TRPM7: variants seen among roughly 807,000 people sequenced by gnomAD.
TRPM7 encodes LTRPC ion channel family member 7.
Under a neutral mutation model 229.7 loss-of-function variants are expected in TRPM7, and 134 were observed. The ratio of observed to expected loss-of-function variants is 0.58; its 90% CI spans 0.51 to 0.67. The LOEUF is 0.67. Among genes scored for constraint, TRPM7 ranks in the 30% least tolerant of loss-of-function variants. The pLI, the probability that TRPM7 is intolerant of heterozygous loss-of-function variation, is 0.00. For synonymous variants in TRPM7, 699 were observed against 715.2 expected (o/e 0.98, Z 0.36); for missense variants, 1,901 against 2,210.0 (o/e 0.86, Z 2.80).
intron 12 of TRPM7, among the ~76,000 whole-genome samples, chr15:50,620,497 C>T (rs1184587940): frequency 6.6e-6 from 1 of 152,002 alleles, no homozygotes; most frequent in Non-Finnish European, 1.5e-5. Flanking sequence ...GAGTGGGCCA[C>T]CTACCATTAT....
At chr15:50,628,305 G>A in intron 10 of TRPM7, 56 bp from the exon 11 acceptor site, 2 of 1,326,196 alleles carry the variant, frequency 1.5e-6, no homozygotes, top group East Asian at 2.3e-5. Context: ...CCATTAAAAG[G>A]TGAACACTTT....
chr15:50,596,215 T>C, intron 23 of TRPM7, 40 bp downstream of exon 23: 1 of 1,342,322 alleles, frequency 7.4e-7, no homozygotes, highest in Non-Finnish European at 9.9e-7. Context: ...GAATTGCATA[T>C]TAAATCATCT....
rs746941512 is a variant in TRPM7 at position 50,589,695 on chromosome 15, A to G, written c.4325-39T>C. Reference sequence around the variant, plus strand: ...AAAGATGTTGCAATGAGAAATTTTTATTTTTCTTCACCGAAATAATGGCAC... The same window carrying G: ...AAAGATGTTGCAATGAGAAATTTTTGTTTTTCTTCACCGAAATAATGGCAC... On this transcript the variant is annotated intron_variant, in intron 26 of 38. Coordinates refer to ENST00000646667, the MANE Select transcript of TRPM7 (RefSeq NM_017672.6). 7 of 1,405,742 alleles carry G rather than the reference A, an allele frequency of 5.0e-6. 1 individual carries two copies. The Middle Eastern group carries it at 9.0e-4, about 180-fold the overall frequency. The allele number at this position is 1,405,742 out of a possible 1,614,324, so 87.1% of individuals were successfully genotyped here.
intron 1 of TRPM7, among the ~76,000 whole-genome samples, chr15:50,669,988 G>A (rs2061955141): frequency 6.6e-6 from 1 of 152,168 alleles, no homozygotes; most frequent in Non-Finnish European, 1.5e-5. Flanking sequence ...GTATAGGAAT[G>A]CAGGATAAGC....
At chr15:50,622,011 CAA>C (rs147453772) in intron 12 of TRPM7, among the ~76,000 whole-genome samples, 27,507 of 151,124 alleles carry the variant, frequency 0.18, 3,204 homozygotes, top group East Asian at 0.46. Flanking sequence ...GCCTGGATGA[CAA>C]GAGCAAAACT....
intron 30 of TRPM7, 100 bp from the exon 31 acceptor site, chr15:50,578,764 T>G: frequency 1.3e-6 from 1 of 762,630 alleles, no homozygotes; most frequent in Non-Finnish European, 1.9e-6. Flanking sequence ...ATAAAAAATA[T>G]TATTAAGGAA....
chr15:50,634,629 G>T (rs1266553538), intron 7 of TRPM7, 73 bp from the exon 8 acceptor site: 6 of 1,089,044 alleles, frequency 5.5e-6, no homozygotes, highest in Non-Finnish European at 6.0e-6. Context: ...AAAAAATTAG[G>T]CAAAATTCAG....
In TRPM7 at chr15:50,592,432, A is replaced by T. The variant is rs775896551; in HGVS notation, c.3803T>A (p.Leu1268Gln). 1.2e-6 allele frequency: 2 copies of T among 1,614,070 alleles called. No homozygotes were observed. Among genetic ancestry groups the T allele is most frequent in the Non-Finnish European group, 1.7e-6 (2 of 1,180,046 alleles). The change falls in exon 26 of 39, where the codon CTG (leucine) becomes CAG (glutamine). Residue 1268 changes from leucine to glutamine, a missense_variant. Leu to Gln is a moderately radical substitution (Grantham distance 113). Coordinates refer to ENST00000646667, the MANE Select transcript of TRPM7 (RefSeq NM_017672.6). ...TTGAGCCAAGTGTTTGGAAATGCTC[A>T]GTTCTCGTGTGATTTCATTATGAAC... Reference protein sequence around the residue: ...SKVHNEITRELSISKHLAQNL... With the variant: ...SKVHNEITREQSISKHLAQNL...
In TRPM7 at chr15:50,561,057, C is replaced by CT. The variant is rs2053290589; in HGVS notation, c.*620dup. On this transcript the variant is annotated 3_prime_UTR_variant, in exon 39 of 39. Coordinates refer to ENST00000646667, the MANE Select transcript of TRPM7 (RefSeq NM_017672.6). ...ATTTAAAAAAAAAAACTGGCTCTAT[C>CT]TTTAAATATGGAGCCTAACCCTGAT... 6.6e-6 allele frequency: 1 copy of CT among 152,424 alleles called. No individual in the cohort carries two copies. The highest frequency in any genetic ancestry group is 2.4e-5 in the African/African-American group (1 of 41,416). The allele number at this position is 152,424 out of a possible 1,614,324, so 9.4% of individuals were successfully genotyped here. A position where few individuals can be genotyped will look rare whatever the true frequency, so the allele number is the denominator to read the frequency against.
At chr15:50,686,123 G>A (rs1329659109) in intron 1 of TRPM7, among the ~76,000 whole-genome samples, 1 of 152,138 alleles carries the variant, frequency 6.6e-6, no homozygotes, top group Non-Finnish European at 1.5e-5. Flanking sequence ...AGAGCATTTG[G>A]TTCCCTTATC....
At chr15:50,579,167 C>A (rs752635099) in intron 30 of TRPM7, among the ~76,000 whole-genome samples, 2 of 152,194 alleles carry the variant, frequency 1.3e-5, no homozygotes, top group Non-Finnish European at 2.9e-5. Flanking sequence ...ACAACATACA[C>A]TGGCACCAAA....
At chr15:50,667,644 T>C (rs907752236) in intron 1 of TRPM7, among the ~76,000 whole-genome samples, 3 of 151,986 alleles carry the variant, frequency 2.0e-5, no homozygotes, top group Non-Finnish European at 4.4e-5. Flanking sequence ...GAGGTGGAGG[T>C]AACAGTGAGC....
At position 50,583,092 on chromosome 15, in the gene TRPM7, T is replaced by G; in HGVS notation, c.4554A>C (p.Ile1518=). 6.2e-7 allele frequency: 1 copy of G among 1,600,060 alleles called. No individual in the cohort carries two copies. The highest frequency in any genetic ancestry group is 8.5e-7 in the Non-Finnish European group (1 of 1,173,644). The change falls in exon 29 of 39, where the codon ATA becomes ATC. Residue 1518 remains isoleucine, a synonymous_variant. Transcript: ENST00000646667. ...THEVDSKAAL[I]PDWLQDRPSN... ...TGTTTAGTTGAAATCTACAAACCGGTATTAAAGCTGCTTTGGAATCTACTT... is the reference window on the plus strand; with the variant it reads ...TGTTTAGTTGAAATCTACAAACCGGGATTAAAGCTGCTTTGGAATCTACTT...
At chr15:50,662,326 C>CA (rs34002511) in intron 2 of TRPM7, among the ~76,000 whole-genome samples, 26,737 of 124,472 alleles carry the variant, frequency 0.21, 2,889 homozygotes, top group African/African-American at 0.34. Context: ...GACTCTGTTC[C>CA]AAAAAAAAAA....
intron 12 of TRPM7, among the ~76,000 whole-genome samples, chr15:50,622,463 C>T (rs1383542082): frequency 1.3e-5 from 2 of 152,166 alleles, no homozygotes; most frequent in Non-Finnish European, 2.9e-5. Context: ...TATTATTTTA[C>T]ATTGCTTTAT....
In TRPM7 at chr15:50,679,509, A is replaced by G. The variant is rs1287879015; in HGVS notation, c.3+7022T>C. On this transcript the variant is annotated intron_variant, in intron 1 of 38. Transcript: ENST00000646667. ...ATATATTATATATATGTGTATATAT[A>G]TAATATATATATATATATATATATA... Among the ~76,000 whole-genome samples the G allele has an allele frequency of 9.9e-5, 5 of 50,462 alleles. No homozygotes were observed. The South Asian group carries it at 2.4e-3, about 25-fold the overall frequency. 33.1% of individuals were successfully genotyped at this position (50,462 alleles called of 152,430 possible).
In TRPM7 at chr15:50,679,534, A is replaced by T. The variant is rs1391017659; in HGVS notation, c.3+6997T>A. The stretch of plus-strand genomic sequence containing the variant: ...ATAATATATATATATATATATATAT[A>T]TATATTTTTTTTTTTTTTTGAGACA... On this transcript the variant is annotated intron_variant, in intron 1 of 38. Transcript: ENST00000646667. Among the ~76,000 whole-genome samples, 101 of 57,608 alleles carry T rather than the reference A, an allele frequency of 1.8e-3. 4 individuals are homozygous for T. Among genetic ancestry groups the T allele is most frequent in the African/African-American group, 6.0e-3 (57 of 9,444 alleles). 37.8% of individuals were successfully genotyped at this position (57,608 alleles called of 152,430 possible). A position where few individuals can be genotyped will look rare whatever the true frequency, so the allele number is the denominator to read the frequency against.
At chr15:50,663,073 T>C (rs1315073031) in intron 1 of TRPM7, 27 bp from the exon 2 acceptor site, 3 of 1,555,868 alleles carry the variant, frequency 1.9e-6, no homozygotes, top group Non-Finnish European at 1.8e-6. Flanking sequence ...TAAAGAATTG[T>C]TTATAAGTTA....
intron 38 of TRPM7, among the ~76,000 whole-genome samples, chr15:50,562,611 A>G (rs905427214): frequency 1.2e-4 from 19 of 152,034 alleles, no homozygotes; most frequent in African/African-American, 4.6e-4. Flanking sequence ...GTCTCTACAA[A>G]AAATACAAAA....
Sources: gnomAD v4.1 joint callset for allele counts (sites outside exome capture counted in the v4.1 genomes callset) on GRCh38, gnomAD v4.1.1 for gene constraint, MANE v1.5 for transcripts, NCBI Gene and HGNC (gene_info 2026-07-23, HGNC 2026-07-21) for gene names.